The following N4BP1 variants were observed in gnomAD, a reference collection of about 807,000 sequenced individuals.
N4BP1 encodes the protein NEDD4 binding protein 1.
N4BP1 carries 21 observed loss-of-function variants against 70.9 expected under a neutral mutation model. The observed-to-expected ratio is 0.30, with a 90% confidence interval of 0.21 to 0.43. The LOEUF (loss-of-function observed/expected upper bound fraction) is 0.43. Among genes scored for constraint, N4BP1 ranks in the 20% least tolerant of loss-of-function variants. The pLI, the probability that N4BP1 is intolerant of heterozygous loss-of-function variation, is 1.00. For synonymous variants in N4BP1, 387 were observed against 394.6 expected (o/e 0.98, Z 0.23); for missense variants, 936 against 1,069.4 (o/e 0.88, Z 1.74).
rs751393837 is a variant in N4BP1, at chr16:48,556,831, G to GA, written c.1890-3163dup. ...CCCTAATATGGAAAAGACTAGTATG[G>GA]AAAAAAAAATGGCTAAAATACTTAA... On this transcript the variant is annotated intron_variant, in intron 2 of 6. Coordinates refer to ENST00000262384, the MANE Select transcript of N4BP1 (RefSeq NM_153029.4). Among the ~76,000 whole-genome samples the GA allele has an allele frequency of 1.9e-4, 29 of 150,664 alleles. 1 individual carries two copies. Among genetic ancestry groups the GA allele is most frequent in the Middle Eastern group, 3.4e-3 (1 of 294 alleles).
chr16:48,572,400 T>C (rs1964031062), intron 1 of N4BP1, among the ~76,000 whole-genome samples: 1 of 151,960 alleles, frequency 6.6e-6, no homozygotes, highest in Non-Finnish European at 1.5e-5. Context: ...ATGTCACAAA[T>C]TATCAAAAGC....
intron 1 of N4BP1, among the ~76,000 whole-genome samples, chr16:48,605,507 A>G (rs1377086882): frequency 6.6e-6 from 1 of 152,128 alleles, no homozygotes; most frequent in East Asian, 1.9e-4. Flanking sequence ...TTCAATCCTC[A>G]CAATCCTTTG....
At chr16:48,578,857 C>T (rs1025873096) in intron 1 of N4BP1, among the ~76,000 whole-genome samples, 5 of 152,148 alleles carry the variant, frequency 3.3e-5, no homozygotes, top group South Asian at 2.1e-4. Context: ...GCTTTCTATA[C>T]GTAACAGTAT....
intron 1 of N4BP1, among the ~76,000 whole-genome samples, chr16:48,591,584 A>T (rs1964339208): frequency 6.6e-6 from 1 of 151,972 alleles, no homozygotes; most frequent in Admixed American, 6.5e-5. Flanking sequence ...GTTAAAATCA[A>T]CTTAATTAAA....
In N4BP1 at chr16:48,561,653, A is replaced by G. The variant is rs1440536288; in HGVS notation, c.990T>C (p.Asp330=). The change falls in exon 2 of 7, where the codon GAT becomes GAC. Residue 330 remains aspartate, a synonymous_variant. Coordinates refer to ENST00000262384, the MANE Select transcript of N4BP1 (RefSeq NM_153029.4). ...TTATATCTGGACTTAAATTTTCAGA[A>G]TCAGCAGAAGAATCAGATAGGTCAG... is the stretch of plus-strand genomic sequence containing the variant. ...VIADLSDSSA[D]SENLSPDIKE... The G allele has an allele frequency of 6.2e-7, 1 of 1,613,456 alleles. No individual in the cohort carries two copies. Among genetic ancestry groups the G allele is most frequent in the South Asian group, 1.1e-5 (1 of 91,034 alleles).
chr16:48,607,534 C>G (rs1690065864), intron 1 of N4BP1, among the ~76,000 whole-genome samples: 1 of 152,090 alleles, frequency 6.6e-6, no homozygotes, highest in African/African-American at 2.4e-5. Flanking sequence ...GAGGATTACT[C>G]TAACACAAGT....
At chr16:48,582,691 T>G (rs1008643591) in intron 1 of N4BP1, among the ~76,000 whole-genome samples, 1 of 151,986 alleles carries the variant, frequency 6.6e-6, no homozygotes, top group Non-Finnish European at 1.5e-5. Flanking sequence ...TATCTACGTA[T>G]AGGAAAAAAA....
chr16:48,592,814 A>C (rs1259096621), intron 1 of N4BP1, among the ~76,000 whole-genome samples: 2 of 152,206 alleles, frequency 1.3e-5, no homozygotes, highest in Non-Finnish European at 2.9e-5. Flanking sequence ...AAATTCTTCA[A>C]TATACCTCCC....
intron 1 of N4BP1, among the ~76,000 whole-genome samples, chr16:48,600,904 G>A (rs1964486977): frequency 1.3e-5 from 2 of 152,124 alleles, no homozygotes; most frequent in Admixed American, 1.3e-4. Flanking sequence ...ATGTAAAATG[G>A]TTATGCCAAT....
At chr16:48,583,449 TTAGA>T (rs1964201287) in intron 1 of N4BP1, among the ~76,000 whole-genome samples, 3 of 152,090 alleles carry the variant, frequency 2.0e-5, no homozygotes, top group African/African-American at 4.8e-5. Context: ...AAGATTACAG[TTAGA>T]TAGGAGGAAT....
At chr16:48,562,998 G>C (rs553391891) in intron 1 of N4BP1, among the ~76,000 whole-genome samples, 176 of 151,400 alleles carry the variant, frequency 1.2e-3, no homozygotes, top group African/African-American at 4.2e-3. Flanking sequence ...TTTTCCAGCT[G>C]GTTGAAACAA....
chr16:48,606,977 C>A (rs991569102), intron 1 of N4BP1, among the ~76,000 whole-genome samples: 1 of 152,120 alleles, frequency 6.6e-6, no homozygotes, highest in African/African-American at 2.4e-5. Context: ...TAATGGTTTT[C>A]TCCTCCTTCA....
At chr16:48,584,662 C>G (rs3843724) in intron 1 of N4BP1, among the ~76,000 whole-genome samples, 54,589 of 151,512 alleles carry the variant, frequency 0.36, 10,079 homozygotes, top group African/African-American at 0.42. Flanking sequence ...GTATTCCCAG[C>G]GACTTGGGAG....
Position 48,562,267 on chromosome 16 carries a change from C to A in N4BP1, c.376G>T (p.Ala126Ser), listed in dbSNP as rs1963873028. The change falls in exon 2 of 7, where the codon GCT becomes TCT. Residue 126 changes from alanine to serine, a missense_variant. Ala to Ser is a moderately conservative substitution (Grantham distance 99). Around this residue, in one of 4 missense-constraint regions of N4BP1, gnomAD observed 187 missense variants for 217.1 expected, o/e 0.86. Coordinates refer to ENST00000262384, the MANE Select transcript of N4BP1 (RefSeq NM_153029.4). ...GLLGIRGSAE[A>S]VVMARSHIQQ... ...ATGTGACTCCTAGCCATGACCACAG[C>A]CTCAGCACTTCCTCTGATGCCAAGA... 1 of 1,613,948 alleles carries A rather than the reference C, an allele frequency of 6.2e-7. No individual in the cohort carries two copies. The highest frequency in any genetic ancestry group is 8.5e-7 in the Non-Finnish European group (1 of 1,179,886).
At chr16:48,600,580 CA>C in intron 1 of N4BP1, 1 of 564,840 alleles carries the variant, frequency 1.8e-6, no homozygotes, top group Non-Finnish European at 3.4e-6. Flanking sequence ...CTCTTGCAGG[CA>C]AAGGGAAGCA....
In N4BP1 at chr16:48,599,248, A is replaced by G. The variant is rs77479887; in HGVS notation, c.198+10527T>C. Among the ~76,000 whole-genome samples the G allele has an allele frequency of 6.8e-3, 1,031 of 152,148 alleles. 6 individuals carry two copies. Among genetic ancestry groups the G allele is most frequent in the Non-Finnish European group, 0.012 (796 of 67,990 alleles). On this transcript the variant is annotated intron_variant, in intron 1 of 6. Coordinates refer to ENST00000262384, the MANE Select transcript of N4BP1 (RefSeq NM_153029.4). The stretch of plus-strand genomic sequence containing the variant: ...TGGTCACAGGACCAGGGCTGCAACT[A>G]CAGTTGCACTAAGCAGGGATGATTC...
chr16:48,577,618 T>C, intron 1 of N4BP1: 1 of 219,470 alleles, frequency 4.6e-6, no homozygotes, highest in Non-Finnish European at 9.5e-6. Context: ...ATAGGGAGAC[T>C]TGGTGAACAC....
intron 1 of N4BP1, among the ~76,000 whole-genome samples, chr16:48,570,848 T>C (rs1473998565): frequency 6.6e-6 from 1 of 152,032 alleles, no homozygotes; most frequent in Non-Finnish European, 1.5e-5. Flanking sequence ...GAGATAAGAG[T>C]CTCACTCTGT....
intron 1 of N4BP1, among the ~76,000 whole-genome samples, chr16:48,574,293 C>T (rs1964062578): frequency 2.0e-5 from 3 of 152,226 alleles, no homozygotes; most frequent in East Asian, 1.9e-4. Context: ...TATGATGTGT[C>T]GCTGATAGTT....
Sources: gnomAD v4.1 joint callset for allele counts (sites outside exome capture counted in the v4.1 genomes callset) on GRCh38, gnomAD v4.1.1 for gene constraint, gnomAD v4.1.1 regional missense constraint, MANE v1.5 for transcripts, NCBI Gene and HGNC (gene_info 2026-07-23, HGNC 2026-07-21) for gene names.